Variants in ZC3H14 observed in about 807,000 individuals in gnomAD.
ZC3H14 encodes the protein zinc finger CCCH-type containing 14, also known as zinc finger CCCH domain-containing protein 14.
In ZC3H14, 31 loss-of-function variants were observed where a neutral mutation model predicts 92.4. The ratio of observed to expected loss-of-function variants is 0.34; its 90% confidence interval spans 0.25 to 0.45. The LOEUF (loss-of-function observed/expected upper bound fraction) is 0.45. Among genes scored for constraint, ZC3H14 ranks in the 20% least tolerant of loss-of-function variants. The pLI, the probability that ZC3H14 is intolerant of heterozygous loss-of-function variation, is 1.00. For missense variants in ZC3H14, 781 were observed against 897.3 expected (o/e 0.87, Z 1.66); for synonymous variants, 321 against 300.9 (o/e 1.07, Z -0.69).
At chr14:88,566,793 G>A (rs1398271648) in intron 2 of ZC3H14, among the ~76,000 whole-genome samples, 2 of 151,886 alleles carry the variant, frequency 1.3e-5, no homozygotes, top group African/African-American at 4.8e-5. Context: ...GGTGGCAGGT[G>A]CCTGTAATCC....
intron 6 of ZC3H14, among the ~76,000 whole-genome samples, chr14:88,573,290 GA>G (rs1226559428): frequency 6.6e-6 from 1 of 151,962 alleles, no homozygotes; most frequent in Non-Finnish European, 1.5e-5. Context: ...TGAGGCAGGA[GA>G]ATGGCGTGAA....
intron 12 of ZC3H14, among the ~76,000 whole-genome samples, chr14:88,604,117 T>G (rs1031937289): frequency 6.6e-6 from 1 of 152,260 alleles, no homozygotes; most frequent in Non-Finnish European, 1.5e-5. Context: ...GTGTTTTCAC[T>G]ACTCTTGATT....
chr14:88,587,511 T>C (rs965082929), intron 9 of ZC3H14, among the ~76,000 whole-genome samples: 1 of 152,138 alleles, frequency 6.6e-6, no homozygotes, highest in Non-Finnish European at 1.5e-5. Context: ...ACCTACATTC[T>C]GTCCTGCCTC....
At chr14:88,570,942 C>A in intron 3 of ZC3H14, 142 bp from the exon 4 acceptor site, 1 of 567,790 alleles carries the variant, frequency 1.8e-6, no homozygotes, top group Non-Finnish European at 2.6e-6. Flanking sequence ...ACAGTGAAAC[C>A]CCATCTCTAT....
Position 88,616,399 on chromosome 14 carries a change from TCTGCAAAACCAGG to T in ZC3H14, c.*4652_*4664del. On this transcript the variant is annotated 3_prime_UTR_variant, in exon 17 of 17. Transcript: ENST00000251038. ...AATGCTTTTCAGCATGAGTAGTGGA[TCTGCAAAACCAGG>T]CTGTGTGGGCAGTCAGATGTCTCCA... 1.4e-6 allele frequency: 1 copy of T among 721,592 alleles called. No individual in the cohort carries two copies. Among genetic ancestry groups the T allele is most frequent in the Non-Finnish European group, 2.3e-6 (1 of 432,710 alleles). 44.7% of individuals were successfully genotyped at this position (721,592 alleles called of 1,614,324 possible).
At position 88,618,059 on chromosome 14, in the gene ZC3H14, T is replaced by C. The variant is rs1451821692; in HGVS notation, c.*6308T>C. On this transcript the variant is annotated 3_prime_UTR_variant, in exon 17 of 17. Coordinates refer to ENST00000251038, the MANE Select transcript of ZC3H14 (RefSeq NM_024824.5). ...TGGAAACTGATAAAACATGGAAATA[T>C]ATTCAATAAAAAGGGGTCCCAACAT... 2 of 433,980 alleles carry C rather than the reference T, an allele frequency of 4.6e-6. No homozygotes were observed. Among genetic ancestry groups the C allele is most frequent in the Non-Finnish European group, 8.1e-6 (2 of 247,874 alleles). The allele number at this position is 433,980 out of a possible 1,614,324, so 26.9% of individuals were successfully genotyped here. A position where few individuals can be genotyped will look rare whatever the true frequency, so the allele number is the denominator to read the frequency against.
At chr14:88,594,702 T>C (rs751070015) in intron 9 of ZC3H14, 1 of 1,613,690 alleles carries the variant, frequency 6.2e-7, no homozygotes, top group South Asian at 1.1e-5. Flanking sequence ...TTTATGAAAA[T>C]GTCTTTGAGG....
intron 3 of ZC3H14, among the ~76,000 whole-genome samples, chr14:88,570,568 A>C (rs921686328): frequency 6.6e-6 from 1 of 152,194 alleles, no homozygotes; most frequent in Non-Finnish European, 1.5e-5. Context: ...AATAAGCAAT[A>C]TTACATGTTT....
intron 9 of ZC3H14, among the ~76,000 whole-genome samples, chr14:88,580,675 A>G (rs1022666869): frequency 3.9e-5 from 6 of 152,236 alleles, no homozygotes; most frequent in African/African-American, 1.4e-4. Flanking sequence ...CTGTCTTTCA[A>G]GAAAACTTTC....
At position 88,626,614 on chromosome 14, in the gene ZC3H14, GT is replaced by G. The variant is rs1449191608; in HGVS notation, c.*14864del. 3.8e-6 allele frequency: 2 copies of G among 520,090 alleles called. No homozygotes were observed. Among genetic ancestry groups the G allele is most frequent in the Non-Finnish European group, 6.8e-6 (2 of 295,594 alleles). The allele number at this position is 520,090 out of a possible 1,614,324, so 32.2% of individuals were successfully genotyped here. A position where few individuals can be genotyped will look rare whatever the true frequency, so the allele number is the denominator to read the frequency against. Reference sequence around the variant, plus strand: ...CCCAGGCGACAGAGTGAGATACTGTGTCAAAAAAAAAAAAAAATCCTTTTCC... The same window carrying G: ...CCCAGGCGACAGAGTGAGATACTGTGCAAAAAAAAAAAAAAATCCTTTTCC... On this transcript the variant is annotated 3_prime_UTR_variant, in exon 17 of 17. Coordinates refer to ENST00000251038, the MANE Select transcript of ZC3H14 (RefSeq NM_024824.5).
chr14:88,613,272 A>G lies in ZC3H14; in HGVS notation c.*1521A>G, dbSNP rs2087105011. 1 of 152,212 alleles carries G rather than the reference A, an allele frequency of 6.6e-6. No individual in the cohort carries two copies. Among genetic ancestry groups the G allele is most frequent in the African/African-American group, 2.4e-5 (1 of 41,454 alleles). The allele number at this position is 152,212 out of a possible 1,614,324, so 9.4% of individuals were successfully genotyped here. A position where few individuals can be genotyped will look rare whatever the true frequency, so the allele number is the denominator to read the frequency against. On this transcript the variant is annotated 3_prime_UTR_variant, in exon 17 of 17. Transcript: ENST00000251038. Reference sequence around the variant, plus strand: ...TTGGGTGAAATGACAGTTCCTCTTCATTCTAAAGGTTTACTCCATTGAATT... The same window carrying G: ...TTGGGTGAAATGACAGTTCCTCTTCGTTCTAAAGGTTTACTCCATTGAATT...
At position 88,621,833 on chromosome 14, in the gene ZC3H14, C is replaced by T. The variant is rs116289454; in HGVS notation, c.*10082C>T. 2,814 of 455,490 alleles carry T rather than the reference C, an allele frequency of 6.2e-3. 68 individuals are homozygous for T. The highest frequency in any genetic ancestry group is 0.051 in the African/African-American group (2,554 of 50,108). The allele number at this position is 455,490 out of a possible 1,614,324, so 28.2% of individuals were successfully genotyped here. ...CATATCTATAGGGCATAGGGTAATA[C>T]GCATAACCATCACCTCAGACATTTA... On this transcript the variant is annotated 3_prime_UTR_variant, in exon 17 of 17. Coordinates refer to ENST00000251038, the MANE Select transcript of ZC3H14 (RefSeq NM_024824.5).
chr14:88,606,319 A>G (rs778508818), intron 12 of ZC3H14, among the ~76,000 whole-genome samples: 4 of 152,074 alleles, frequency 2.6e-5, no homozygotes, highest in Non-Finnish European at 4.4e-5. Context: ...AGTGGAGTGG[A>G]TGGGTGTGCA....
At chr14:88,587,956 A>G (rs901453502) in intron 9 of ZC3H14, among the ~76,000 whole-genome samples, 1 of 152,128 alleles carries the variant, frequency 6.6e-6, no homozygotes, top group African/African-American at 2.4e-5. Flanking sequence ...AATTTTAAAG[A>G]CTATATAAAT....
chr14:88,593,042 T>TTC (rs2083355506), intron 9 of ZC3H14, among the ~76,000 whole-genome samples: 1 of 151,378 alleles, frequency 6.6e-6, no homozygotes, highest in Non-Finnish European at 1.5e-5. Flanking sequence ...GATCTCTGCT[T>TTC]ATTCAGTCTC....
At chr14:88,576,444 C>G (rs1000703346) in intron 8 of ZC3H14, among the ~76,000 whole-genome samples, 34 of 152,296 alleles carry the variant, frequency 2.2e-4, no homozygotes, top group Admixed American at 2.1e-3. Context: ...TGCTCCAATT[C>G]TAGTGGAAGT....
intron 2 of ZC3H14, among the ~76,000 whole-genome samples, chr14:88,565,284 G>A (rs2139442441): frequency 6.6e-6 from 1 of 152,132 alleles, no homozygotes; most frequent in South Asian, 2.1e-4. Flanking sequence ...TGGGATTACA[G>A]GCATCTGCCA....
At chr14:88,598,099 G>C (rs2084098565) in intron 10 of ZC3H14, among the ~76,000 whole-genome samples, 1 of 152,104 alleles carries the variant, frequency 6.6e-6, no homozygotes, top group Admixed American at 6.6e-5. Flanking sequence ...TAAGTGGTCT[G>C]TTTTGGCTGT....
chr14:88,572,714 CAGG>C lies in ZC3H14; in HGVS notation c.571_573del (p.Glu191del), dbSNP rs2080593184. The stretch of plus-strand genomic sequence containing the variant: ...CATTGACGAAGACCTCAACTTTGTG[CAGG>C]AGAATCCCTTATCTCAGAAAAAACC... On this transcript the variant is annotated inframe_deletion, in exon 6 of 17. Coordinates refer to ENST00000251038, the MANE Select transcript of ZC3H14 (RefSeq NM_024824.5). 6.2e-7 allele frequency: 1 copy of C among 1,614,092 alleles called. No individual in the cohort carries two copies. The highest frequency in any genetic ancestry group is 1.3e-5 in the African/African-American group (1 of 74,934).
Sources: allele counts gnomAD v4.1 joint callset (sites outside exome capture counted in the v4.1 genomes callset), GRCh38; gene constraint gnomAD v4.1.1; transcripts MANE v1.5; gene names NCBI Gene and HGNC (gene_info 2026-07-23, HGNC 2026-07-21).